The following CACNA1B variants were observed in gnomAD, a reference collection of about 807,000 sequenced individuals.
CACNA1B encodes the protein calcium voltage-gated channel subunit alpha1 B.
A neutral mutation model predicts 247.2 loss-of-function variants in CACNA1B; 70 were observed. The ratio of observed to expected loss-of-function variants is 0.28; its 90% confidence interval spans 0.23 to 0.35. The LOEUF is 0.35. Ranked by LOEUF, CACNA1B falls within the 10% of genes least tolerant of loss-of-function variation. The pLI is 1.00. For synonymous variants in CACNA1B, 1,231 were observed against 1,294.4 expected (o/e 0.95, Z 1.05); for missense variants, 2,367 against 3,197.4 (o/e 0.74, Z 6.26).
chr9:138,080,968 G>T (rs1284617958), intron 36 of CACNA1B, among the ~76,000 whole-genome samples: 1 of 152,196 alleles, frequency 6.6e-6, no homozygotes, highest in Non-Finnish European at 1.5e-5. Context: ...ACCAAGGGAA[G>T]GATTTCCATG....
chr9:138,098,164 G>A (rs1054733053), intron 37 of CACNA1B, among the ~76,000 whole-genome samples: 12 of 152,220 alleles, frequency 7.9e-5, no homozygotes, highest in African/African-American at 2.9e-4. Flanking sequence ...GACAATTTCC[G>A]TGGCTTGCGA....
intron 19 of CACNA1B, among the ~76,000 whole-genome samples, chr9:138,024,403 G>C (rs1248467115): frequency 6.6e-6 from 1 of 152,206 alleles, no homozygotes; most frequent in Non-Finnish European, 1.5e-5. Context: ...AAACCAACCA[G>C]AATACTTGCC....
intron 3 of CACNA1B, among the ~76,000 whole-genome samples, chr9:137,910,758 G>A (rs544800675): frequency 1.5e-3 from 229 of 152,268 alleles, no homozygotes; most frequent in Non-Finnish European, 2.4e-3. Flanking sequence ...AGCTCAGGCA[G>A]TAATGCTCGT....
chr9:137,997,917 T>C (rs1958518721), intron 15 of CACNA1B, among the ~76,000 whole-genome samples: 1 of 152,126 alleles, frequency 6.6e-6, no homozygotes, highest in East Asian at 1.9e-4. Flanking sequence ...ATAAGAGAAG[T>C]GTGATCTGTT....
intron 13 of CACNA1B, among the ~76,000 whole-genome samples, chr9:137,985,436 C>T (rs1958345383): frequency 6.6e-6 from 1 of 152,180 alleles, no homozygotes; most frequent in Non-Finnish European, 1.5e-5. Flanking sequence ...TCCATTTTCT[C>T]CCAGGAAGTA....
chr9:137,983,967 A>G (rs1363004714), intron 12 of CACNA1B, among the ~76,000 whole-genome samples, 171 bp from the exon 13 acceptor site: 1 of 152,020 alleles, frequency 6.6e-6, no homozygotes, highest in East Asian at 1.9e-4. Flanking sequence ...AGGTTCCAAG[A>G]GCTCAGTGTG....
intron 2 of CACNA1B, among the ~76,000 whole-genome samples, chr9:137,879,695 A>G (rs1956890063): frequency 6.6e-6 from 1 of 152,178 alleles, no homozygotes; most frequent in Non-Finnish European, 1.5e-5. Context: ...ACCTGTCCCC[A>G]GATTCCAGCC....
chr9:138,099,602 G>A (rs1961184045), intron 37 of CACNA1B, among the ~76,000 whole-genome samples: 1 of 149,732 alleles, frequency 6.7e-6, no homozygotes, highest in African/African-American at 2.5e-5. Context: ...GGGTGTGCAC[G>A]TGCCTGTGGT....
intron 10 of CACNA1B, among the ~76,000 whole-genome samples, chr9:137,962,668 G>T (rs548192658): frequency 1.3e-5 from 2 of 152,236 alleles, no homozygotes; most frequent in South Asian, 4.1e-4. Flanking sequence ...GGAGCAGGTT[G>T]TTCATTTTGC....
At position 138,056,478 on chromosome 9, in the gene CACNA1B, A is replaced by G. The variant is rs572305232; in HGVS notation, c.3969-1254A>G. Among the ~76,000 whole-genome samples, 7 of 152,278 alleles carry G rather than the reference A, an allele frequency of 4.6e-5. No homozygotes were observed. In the South Asian group the frequency reaches 1.5e-3, roughly 32 times the overall value. On this transcript the variant is annotated intron_variant, in intron 26 of 46. Transcript: ENST00000371372. ...ATTTTCCTTATTCTTTCATTTGCTG[A>G]TGAACATTGGGTTGTTTCTACCTTG...
Position 137,990,803 on chromosome 9 carries a change from A to C in CACNA1B, c.1974+3949A>C, listed in dbSNP as rs1958423329. Among the ~76,000 whole-genome samples the C allele has an allele frequency of 6.6e-6, 1 of 152,228 alleles. No homozygotes were observed. The highest frequency in any genetic ancestry group is 1.5e-5 in the Non-Finnish European group (1 of 68,040). ...CTCTTGACAGACACTCCCCAGTACCAGCCTGAAGCCTGGTAGCTCCACTGG... is the reference window on the plus strand; with the variant it reads ...CTCTTGACAGACACTCCCCAGTACCCGCCTGAAGCCTGGTAGCTCCACTGG... On this transcript the variant is annotated intron_variant, in intron 15 of 46. Coordinates refer to ENST00000371372, the MANE Select transcript of CACNA1B (RefSeq NM_000718.4). The surrounding 1 kb of genome is among the most constrained non-coding windows in gnomAD (Gnocchi z 4.5).
intron 16 of CACNA1B, among the ~76,000 whole-genome samples, chr9:138,008,092 G>C (rs1958677111): frequency 6.6e-6 from 1 of 152,186 alleles, no homozygotes; most frequent in Admixed American, 6.5e-5. Context: ...GAGTGTGTGT[G>C]AGCCTAGGAG....
At chr9:138,056,933 G>GTTTTTTTTT (rs138277172) in intron 26 of CACNA1B, among the ~76,000 whole-genome samples, 13 of 113,496 alleles carry the variant, frequency 1.1e-4, no homozygotes, top group Non-Finnish European at 1.5e-4. Context: ...TTTTATTTGG[G>GTTTTTTTTT]TTTTTTTTTT....
rs1249437510 is a variant in CACNA1B at position 138,073,537 on chromosome 9, T to C, written c.4724T>C (p.Leu1575Pro). 6.2e-7 allele frequency: 1 copy of C among 1,613,530 alleles called. No individual in the cohort carries two copies. ...SFLRLFRAARLIKLLRQGYTI... is the reference protein window; with the variant it reads ...SFLRLFRAARPIKLLRQGYTI... ...CTCCGCCTCTTTCGAGCTGCGCGGC[T>C]GATCAAGCTGCTCCGCCAGGGCTAC... Residue 1575 changes from leucine (L) to proline (P), a missense_variant, in exon 33 of 47, where the codon CTG (leucine) becomes CCG (proline). Transcript: ENST00000371372. The surrounding 1 kb of genome is among the most constrained non-coding windows in gnomAD (Gnocchi z 6.4).
At chr9:138,027,020 C>T (rs967321358) in intron 20 of CACNA1B, among the ~76,000 whole-genome samples, 13 of 152,182 alleles carry the variant, frequency 8.5e-5, no homozygotes, top group South Asian at 8.3e-4. Context: ...TGACATATGA[C>T]GTTGAGCATC....
At position 137,984,043 on chromosome 9, in the gene CACNA1B, C is replaced by T. The variant is rs895464188; in HGVS notation, c.1657-95C>T. The T allele has an allele frequency of 2.9e-5, 25 of 869,706 alleles. 1 individual carries two copies. Among genetic ancestry groups the T allele is most frequent in the South Asian group, 5.9e-5 (4 of 67,610 alleles). 53.9% of individuals were successfully genotyped at this position (869,706 alleles called of 1,614,324 possible). A position where few individuals can be genotyped will look rare whatever the true frequency, so the allele number is the denominator to read the frequency against. ...GACAAGGAAGCAGGATGGTTCCTTA[C>T]GGAGAGGTGCAGCCACGCAGGGTGT... is the stretch of plus-strand genomic sequence containing the variant. On this transcript the variant is annotated intron_variant, in intron 12 of 46. Coordinates refer to ENST00000371372, the MANE Select transcript of CACNA1B (RefSeq NM_000718.4).
intron 6 of CACNA1B, among the ~76,000 whole-genome samples, chr9:137,935,151 G>T (rs548948144): frequency 1.3e-5 from 2 of 152,020 alleles, no homozygotes; most frequent in Non-Finnish European, 2.9e-5. Flanking sequence ...TGTGCACAAC[G>T]TGCAGATTTG....
intron 20 of CACNA1B, among the ~76,000 whole-genome samples, chr9:138,027,159 G>A (rs1478140400): frequency 6.6e-6 from 1 of 151,960 alleles, no homozygotes; most frequent in African/African-American, 2.4e-5. Flanking sequence ...TGTATATTTT[G>A]GATACAAGTC....
At position 138,057,006 on chromosome 9, in the gene CACNA1B, G is replaced by A. The variant is rs1959528751; in HGVS notation, c.3969-726G>A. ...GCTGGAGTGCAGTGGCGCGATCTCG[G>A]CTCACTGCAGGCTCCACCTCCCGGG... On this transcript the variant is annotated intron_variant, in intron 26 of 46. Coordinates refer to ENST00000371372, the MANE Select transcript of CACNA1B (RefSeq NM_000718.4). The surrounding 1 kb of genome is among the most constrained non-coding windows in gnomAD (Gnocchi z 4.0). Among the ~76,000 whole-genome samples the A allele has an allele frequency of 7.0e-6, 1 of 142,308 alleles. No individual in the cohort carries two copies. Among genetic ancestry groups the A allele is most frequent in the South Asian group, 2.2e-4 (1 of 4,518 alleles). 93.4% of individuals were successfully genotyped at this position (142,308 alleles called of 152,430 possible). A position where few individuals can be genotyped will look rare whatever the true frequency, so the allele number is the denominator to read the frequency against.
Sources: allele counts gnomAD v4.1 joint callset (sites outside exome capture counted in the v4.1 genomes callset), GRCh38; gene constraint gnomAD v4.1.1; non-coding constraint Gnocchi (gnomAD v3.1); transcripts MANE v1.5; gene names NCBI Gene and HGNC (gene_info 2026-07-23, HGNC 2026-07-21).